FLVCR1: variants seen among roughly 807,000 people sequenced by gnomAD.
FLVCR1 encodes FLVCR choline and heme transporter 1.
FLVCR1 carries 34 observed loss-of-function variants against 53.6 expected under a neutral mutation model. That is an observed-to-expected ratio of 0.63 (90% CI 0.48 to 0.84). The LOEUF is 0.84. Among genes scored for constraint, FLVCR1 ranks in the 40% least tolerant of loss-of-function variants. The probability of loss-of-function intolerance (pLI) is 0.00; values close to 1 mark genes in which losing one functional copy is unlikely to be tolerated. For synonymous variants in FLVCR1, 300 were observed against 286.3 expected, an observed-to-expected ratio of 1.05 and a Z score of -0.48; for missense variants, 677 against 696.7, an observed-to-expected ratio of 0.97 and a Z score of 0.32.
intron 6 of FLVCR1, 141 bp from the exon 7 acceptor site, chr1:212,888,348 A>T: frequency 1.4e-6 from 1 of 707,382 alleles, no homozygotes; most frequent in Non-Finnish European, 2.6e-6. Context: ...CAATGATAAT[A>T]GTTCCTTACT....
chr1:212,860,211 C>A (rs903543635), intron 1 of FLVCR1, among the ~76,000 whole-genome samples: 3 of 152,174 alleles, frequency 2.0e-5, no homozygotes, highest in Non-Finnish European at 2.9e-5. Flanking sequence ...GCTTTATAGT[C>A]ATTTCCCTTA....
intron 8 of FLVCR1, 80 bp from the exon 9 acceptor site, chr1:212,894,906 T>C (rs1665292778): frequency 4.3e-6 from 4 of 921,468 alleles, no homozygotes; most frequent in South Asian, 2.6e-5. Flanking sequence ...AATTTGACAA[T>C]ACCAAGAAAG....
chr1:212,871,529 G>T (rs776126888), intron 2 of FLVCR1, among the ~76,000 whole-genome samples: 2 of 152,006 alleles, frequency 1.3e-5, no homozygotes, highest in African/African-American at 4.8e-5. Flanking sequence ...CGATCCTCTC[G>T]CTTCAGCCTC....
In FLVCR1 at chr1:212,885,192, A is replaced by C. The variant is rs1301077448; in HGVS notation, c.1093-101A>C. 14 of 855,070 alleles carry C rather than the reference A, an allele frequency of 1.6e-5. 1 individual carries two copies. The South Asian group carries it at 1.9e-4, about 12-fold the overall frequency. The allele number at this position is 855,070 out of a possible 1,614,324, so 53.0% of individuals were successfully genotyped here. ...ATCTTCCTACTGTGTGCTTAGTTTT[A>C]TCTAATTATTTTCATTGACTATGAA... On this transcript the variant is annotated intron_variant, in intron 4 of 9. Transcript: ENST00000366971.
Position 212,889,986 on chromosome 1 carries a change from CT to C in FLVCR1, c.1525+730del, listed in dbSNP as rs561706611. Among the ~76,000 whole-genome samples the C allele has an allele frequency of 3.8e-3, 581 of 151,278 alleles. 9 individuals are homozygous for C. Among genetic ancestry groups the C allele is most frequent in the African/African-American group, 0.014 (557 of 40,574 alleles). On this transcript the variant is annotated intron_variant, in intron 8 of 9. Coordinates refer to ENST00000366971, the MANE Select transcript of FLVCR1 (RefSeq NM_014053.4). ...CTAGTGTCTGGCACCTGGGACGTGC[CT>C]AACATGTGTTACTATTGTTATAATG...
At chr1:212,891,716 A>C (rs2102573104) in intron 8 of FLVCR1, among the ~76,000 whole-genome samples, 1 of 152,308 alleles carries the variant, frequency 6.6e-6, no homozygotes, top group East Asian at 1.9e-4. Context: ...GTTTAAGCAA[A>C]AGGAAGAGTA....
chr1:212,874,603 A>G (rs989262011), intron 3 of FLVCR1, among the ~76,000 whole-genome samples: 1 of 138,464 alleles, frequency 7.2e-6, no homozygotes, highest in Non-Finnish European at 1.5e-5. Flanking sequence ...ATCTCGGCTC[A>G]CTGCAACCTC....
Position 212,897,230 on chromosome 1 carries a change from G to A in FLVCR1, c.*1940G>A, listed in dbSNP as rs6697126. The stretch of plus-strand genomic sequence containing the variant: ...ATAAATAAAACCTGAGGTTGAGCAC[G>A]ATGGCTCACACCTATAGTCCCAGCA... On this transcript the variant is annotated 3_prime_UTR_variant, in exon 10 of 10. Coordinates refer to ENST00000366971, the MANE Select transcript of FLVCR1 (RefSeq NM_014053.4). 13,219 of 150,564 alleles carry A rather than the reference G, an allele frequency of 0.088. 729 individuals carry two copies. The highest frequency in any genetic ancestry group is 0.16 in the African/African-American group (6,489 of 40,924). The allele number at this position is 150,564 out of a possible 1,614,324, so 9.3% of individuals were successfully genotyped here.
At chr1:212,891,929 A>C (rs930851610) in intron 8 of FLVCR1, among the ~76,000 whole-genome samples, 1 of 152,216 alleles carries the variant, frequency 6.6e-6, no homozygotes, top group Non-Finnish European at 1.5e-5. Flanking sequence ...GATATGGAGA[A>C]AGTTTGAGTG....
intron 2 of FLVCR1, among the ~76,000 whole-genome samples, 200 bp from the exon 3 acceptor site, chr1:212,872,478 G>C (rs1664628012): frequency 6.6e-6 from 1 of 152,062 alleles, no homozygotes; most frequent in South Asian, 2.1e-4. Flanking sequence ...AGAGAACTGA[G>C]ATGACAGTGT....
intron 2 of FLVCR1, among the ~76,000 whole-genome samples, chr1:212,868,484 G>A (rs1036274604): frequency 3.9e-5 from 6 of 152,124 alleles, no homozygotes; most frequent in Non-Finnish European, 7.4e-5. Flanking sequence ...CGCGATCTCC[G>A]CTCACCGCAA....
chr1:212,863,831 C>A lies in FLVCR1; in HGVS notation c.845C>A (p.Ser282Ter). 1.2e-6 allele frequency: 2 copies of A among 1,613,674 alleles called. No homozygotes were observed. The highest frequency in any genetic ancestry group is 1.7e-6 in the Non-Finnish European group (2 of 1,179,580). ...ATCAGCACCATGTTTTATGGAACAT[C>A]AGCTGTTGCCACACTTTTATTTATT... is the stretch of plus-strand genomic sequence containing the variant. The part of the protein sequence containing the change: ...CNISTMFYGT[S>*]AVATLLFILT... The change falls in exon 2 of 10, where the codon TCA becomes TAA. Residue 282 changes from serine to a stop codon, truncating the protein, a stop_gained. Transcript: ENST00000366971. LOFTEE classifies it high-confidence loss of function.
At chr1:212,893,734 T>A (rs369887598) in intron 8 of FLVCR1, among the ~76,000 whole-genome samples, 1 of 152,208 alleles carries the variant, frequency 6.6e-6, no homozygotes, top group East Asian at 1.9e-4. Context: ...TGCAGAAGGC[T>A]TGGATAATCA....
At position 212,858,920 on chromosome 1, in the gene FLVCR1, C is replaced by T; in HGVS notation, c.468C>T (p.Ala156=). 6.2e-7 allele frequency: 1 copy of T among 1,614,254 alleles called. No homozygotes were observed. The highest frequency in any genetic ancestry group is 8.5e-7 in the Non-Finnish European group (1 of 1,180,036). ...IDWLSMVYML[A]YVPLIFPATW... Reference sequence around the variant, plus strand: ...GGCTGTCCATGGTGTACATGCTGGCCTACGTGCCCCTCATCTTCCCGGCCA... The same window carrying T: ...GGCTGTCCATGGTGTACATGCTGGCTTACGTGCCCCTCATCTTCCCGGCCA... Residue 156 remains alanine (A), a synonymous_variant, in exon 1 of 10, where the codon GCC becomes GCT. Transcript: ENST00000366971.
At chr1:212,883,912 C>T (rs1305192565) in intron 4 of FLVCR1, among the ~76,000 whole-genome samples, 2 of 151,214 alleles carry the variant, frequency 1.3e-5, no homozygotes, top group African/African-American at 4.9e-5. Context: ...GCACTAGTGA[C>T]ACCATTCTAT....
chr1:212,895,068 T>C lies in FLVCR1; in HGVS notation c.1593+15T>C. 6.8e-7 allele frequency: 1 copy of C among 1,466,710 alleles called. No individual in the cohort carries two copies. Among genetic ancestry groups the C allele is most frequent in the Non-Finnish European group, 9.6e-7 (1 of 1,045,626 alleles). The allele number at this position is 1,466,710 out of a possible 1,614,324, so 90.9% of individuals were successfully genotyped here. A position where few individuals can be genotyped will look rare whatever the true frequency, so the allele number is the denominator to read the frequency against. On this transcript the variant is annotated intron_variant, in intron 9 of 9. Transcript: ENST00000366971. ...ATGTTAAAGCTGTAAGTAATATTTT[T>C]ATGATTATACTGTTGAGAAGTATGT...
chr1:212,867,511 A>G (rs189945676), intron 2 of FLVCR1, among the ~76,000 whole-genome samples: 186 of 152,368 alleles, frequency 1.2e-3, no homozygotes, highest in Middle Eastern at 3.4e-3. Context: ...ATTTAAGCCT[A>G]GACAATTTAA....
At chr1:212,865,485 A>T (rs1053257497) in intron 2 of FLVCR1, among the ~76,000 whole-genome samples, 29 of 133,686 alleles carry the variant, frequency 2.2e-4, no homozygotes, top group East Asian at 9.1e-4. Flanking sequence ...TGCAATAGGG[A>T]TTTTTTTTTT....
chr1:212,888,538 A>G lies in FLVCR1; in HGVS notation c.1357A>G (p.Ile453Val). ...TTTGGGTTTTGAATTTGCTGTTGAA[A>G]TCACTTACCCTGAATCTGAAGGTAC... ...LPLGFEFAVE[I>V]TYPESEGTSS... Residue 453 changes from isoleucine to valine, a missense_variant, in exon 7 of 10, where the codon ATC becomes GTC. Coordinates refer to ENST00000366971, the MANE Select transcript of FLVCR1 (RefSeq NM_014053.4). 3 of 1,613,960 alleles carry G rather than the reference A, an allele frequency of 1.9e-6. No homozygotes were observed. The highest frequency in any genetic ancestry group is 2.5e-6 in the Non-Finnish European group (3 of 1,179,922).
Sources: allele counts gnomAD v4.1 joint callset (sites outside exome capture counted in the v4.1 genomes callset), GRCh38; gene constraint gnomAD v4.1.1; transcripts MANE v1.5; gene names NCBI Gene and HGNC (gene_info 2026-07-23, HGNC 2026-07-21).